The following NRXN1 variants were observed in gnomAD, a reference collection of about 807,000 sequenced individuals.
The protein encoded by NRXN1 is neurexin 1, also known as neurexin-1.
Under a neutral mutation model 150.9 loss-of-function variants are expected in NRXN1, and 39 were observed. The observed-to-expected ratio is 0.26, with a 90% CI of 0.20 to 0.34. NRXN1 has a LOEUF of 0.34. Ranked by LOEUF, NRXN1 falls within the 10% of genes least tolerant of loss-of-function variation. The pLI is 1.00. For synonymous variants in NRXN1, 924 were observed against 757.0 expected (o/e 1.22, Z -3.62); for missense variants, 1,815 against 1,949.9 (o/e 0.93, Z 1.30).
chr2:50,144,575 T>A (rs570778239), intron 18 of NRXN1, among the ~76,000 whole-genome samples: 1 of 152,000 alleles, frequency 6.6e-6, no homozygotes, highest in South Asian at 2.1e-4. Context: ...ACTACACGGA[T>A]AAAGAAGAAG....
At chr2:50,962,700 T>C (rs1693407534) in intron 2 of NRXN1, among the ~76,000 whole-genome samples, 1 of 151,668 alleles carries the variant, frequency 6.6e-6, no homozygotes, top group South Asian at 2.1e-4. Context: ...TTGCCTTTAG[T>C]TTTTTGAGTT....
In NRXN1 at chr2:50,531,411, A is replaced by G; in HGVS notation, c.2163T>C (p.Tyr721=). Residue 721 remains tyrosine, a synonymous_variant, in exon 11 of 23, where the codon TAT becomes TAC. Coordinates refer to ENST00000401669, the MANE Select transcript of NRXN1 (RefSeq NM_001330078.2). ...SCEREATVLS[Y]DGSMFMKIQL... ...GAATTTTCATAAACATGCTCCCATC[A>G]TAGCTCAAAACCGTTGCCTCTAGAG... 6.2e-7 allele frequency: 1 copy of G among 1,611,570 alleles called. No homozygotes were observed.
intron 13 of NRXN1, among the ~76,000 whole-genome samples, chr2:50,498,815 T>C (rs1461287535): frequency 1.3e-5 from 2 of 152,260 alleles, no homozygotes; most frequent in African/African-American, 4.8e-5. Flanking sequence ...CACTCTCTTC[T>C]GCAACTAAAA....
intron 5 of NRXN1, among the ~76,000 whole-genome samples, chr2:50,874,438 A>AG (rs1211080014): frequency 4.0e-5 from 6 of 151,272 alleles, no homozygotes; most frequent in Non-Finnish European, 7.4e-5. Context: ...AGGCACCAAT[A>AG]GGGGTACTGG....
intron 5 of NRXN1, among the ~76,000 whole-genome samples, chr2:50,630,853 G>A (rs773913246): frequency 4.3e-4 from 65 of 151,592 alleles, no homozygotes; most frequent in Non-Finnish European, 7.4e-4. Context: ...AAAATATTGT[G>A]CCAAAAACAT....
intron 5 of NRXN1, among the ~76,000 whole-genome samples, chr2:50,777,498 G>A (rs1363729723): frequency 1.3e-5 from 2 of 152,130 alleles, no homozygotes; most frequent in Admixed American, 1.3e-4. Context: ...TTGGAGACCA[G>A]CCTATGTTGG....
chr2:49,962,493 C>A (rs947989741), intron 21 of NRXN1, among the ~76,000 whole-genome samples: 3 of 152,136 alleles, frequency 2.0e-5, no homozygotes, highest in Non-Finnish European at 4.4e-5. Flanking sequence ...TAGTGTAGGA[C>A]AAGAAATAGT....
intron 17 of NRXN1, among the ~76,000 whole-genome samples, chr2:50,371,240 T>A (rs370094692): frequency 6.6e-5 from 10 of 152,110 alleles, no homozygotes; most frequent in African/African-American, 2.2e-4. Context: ...TGCTTTCATT[T>A]GATTATTACC....
At chr2:50,492,432 T>A (rs1410438652) in intron 15 of NRXN1, among the ~76,000 whole-genome samples, 2 of 152,014 alleles carry the variant, frequency 1.3e-5, no homozygotes, top group African/African-American at 4.8e-5. Context: ...TCTATTGGAG[T>A]CAAGGTGGAG....
intron 8 of NRXN1, among the ~76,000 whole-genome samples, chr2:50,603,608 G>C (rs1187088631): frequency 6.6e-6 from 1 of 152,070 alleles, no homozygotes; most frequent in African/African-American, 2.4e-5. Context: ...AATAACTAAG[G>C]TCACTTAGTG....
At chr2:50,890,841 A>T (rs189712149) in intron 5 of NRXN1, among the ~76,000 whole-genome samples, 1 of 152,074 alleles carries the variant, frequency 6.6e-6, no homozygotes, top group African/African-American at 2.4e-5. Flanking sequence ...GTTTTATTGT[A>T]TTATGCACAA....
intron 5 of NRXN1, among the ~76,000 whole-genome samples, chr2:50,657,122 T>C (rs1686597728): frequency 6.6e-6 from 1 of 152,016 alleles, no homozygotes; most frequent in Non-Finnish European, 1.5e-5. Context: ...CCCGTAACTC[T>C]ATACAATCTG....
chr2:50,296,918 T>C (rs2073651084), intron 17 of NRXN1, among the ~76,000 whole-genome samples: 1 of 150,032 alleles, frequency 6.7e-6, no homozygotes, highest in South Asian at 2.1e-4. Flanking sequence ...AGTCTCGCTC[T>C]TTCATCCAGG....
chr2:50,696,929 C>G (rs1299625734), intron 5 of NRXN1, among the ~76,000 whole-genome samples: 1 of 152,096 alleles, frequency 6.6e-6, no homozygotes, highest in Non-Finnish European at 1.5e-5. Flanking sequence ...ATTCTTTAAA[C>G]AGAAACCAGT....
chr2:50,322,986 T>C (rs768498198), intron 17 of NRXN1, among the ~76,000 whole-genome samples: 1 of 152,222 alleles, frequency 6.6e-6, no homozygotes, highest in Non-Finnish European at 1.5e-5. Flanking sequence ...TTTAGTTGTA[T>C]GACAGTATAT....
At position 50,465,566 on chromosome 2, in the gene NRXN1, A is replaced by C. The variant is rs763855965; in HGVS notation, c.3245-5T>G. ...CTTGGCAGGTTGTGCTGGGCCCTGC[A>C]AAACAATCCAAAGGAAACTTGGGTT... On this transcript the variant is annotated splice_polypyrimidine_tract_variant and splice_region_variant and intron_variant, in intron 16 of 22. Transcript: ENST00000401669. The C allele has an allele frequency of 4.4e-6, 7 of 1,600,444 alleles. No individual in the cohort carries two copies. The highest frequency in any genetic ancestry group is 4.5e-5 in the East Asian group (2 of 44,522).
At chr2:50,711,547 G>A (rs769067728) in intron 5 of NRXN1, among the ~76,000 whole-genome samples, 3 of 151,728 alleles carry the variant, frequency 2.0e-5, no homozygotes, top group Non-Finnish European at 4.4e-5. Context: ...TATTGGTCAG[G>A]GTGGTCTTGA....
At chr2:50,606,490 T>A (rs975806383) in intron 8 of NRXN1, among the ~76,000 whole-genome samples, 10 of 151,598 alleles carry the variant, frequency 6.6e-5, no homozygotes, top group African/African-American at 2.4e-4. Flanking sequence ...AATTTCATTA[T>A]GCAAGAAGAA....
intron 22 of NRXN1, among the ~76,000 whole-genome samples, chr2:49,933,247 C>A (rs189161060): frequency 6.6e-6 from 1 of 151,996 alleles, no homozygotes; most frequent in East Asian, 1.9e-4. Context: ...CCACCACGCC[C>A]GGCTAATTTT....
Sources: allele counts gnomAD v4.1 joint callset (sites outside exome capture counted in the v4.1 genomes callset), GRCh38; gene constraint gnomAD v4.1.1; transcripts MANE v1.5; gene names NCBI Gene and HGNC (gene_info 2026-07-23, HGNC 2026-07-21).